The following XIAP variants were observed in gnomAD, a reference collection of about 807,000 sequenced individuals.
XIAP encodes E3 ubiquitin-protein ligase XIAP.
In XIAP, 3 loss-of-function variants were observed where a neutral mutation model predicts 33.1. That is an observed-to-expected ratio of 0.09 (90% CI 0.04 to 0.23). XIAP has a LOEUF of 0.23. XIAP is among the 10% of genes least tolerant of loss of function. The pLI, the probability that XIAP is intolerant of heterozygous loss-of-function variation, is 1.00. For missense variants in XIAP, 264 were observed against 363.0 expected (o/e 0.73, Z 2.22); for synonymous variants, 98 against 121.3 (o/e 0.81, Z 1.26).
At chrX:123,863,739 C>T (rs780170387) in intron 1 of XIAP, among the ~76,000 whole-genome samples, 1 of 111,222 alleles carries the variant, frequency 9.0e-6, no homozygotes, top group East Asian at 2.9e-4. Flanking sequence ...AACTCCCGAC[C>T]TCAGGTGAAA....
intron 1 of XIAP, among the ~76,000 whole-genome samples, chrX:123,884,361 G>A (rs1204848064): frequency 9.0e-6 from 1 of 110,520 alleles, no homozygotes. Flanking sequence ...GCGCATGCCT[G>A]TAATCCCAGC....
chrX:123,869,386 C>CAAAAAAAAAAAAAAAA (rs2053173664), intron 1 of XIAP, among the ~76,000 whole-genome samples: 1 of 52,024 alleles, frequency 1.9e-5, no homozygotes, highest in African/African-American at 8.4e-5. Context: ...AAAAAAAAAG[C>CAAAAAAAAAAAAAAAA]TGGGTCATGC....
At position 123,910,474 on chromosome X, in the gene XIAP, T is replaced by C. The variant is rs1025117786; in HGVS notation, c.*3293T>C. On this transcript the variant is annotated 3_prime_UTR_variant, in exon 7 of 7. Coordinates refer to ENST00000371199, the MANE Select transcript of XIAP (RefSeq NM_001167.4). ...TGATATACCCTTTAAACCCGAATCA[T>C]TGTTTTATTTCCTGATTACACAGGT... The C allele has an allele frequency of 4.9e-5, 16 of 327,731 alleles. No homozygotes were observed. Among genetic ancestry groups the C allele is most frequent in the Non-Finnish European group, 8.2e-5 (14 of 169,714 alleles). The allele number at this position is 327,731 out of a possible 1,213,427, so 27.0% of individuals were successfully genotyped here.
At chrX:123,877,133 T>C (rs1256133976) in intron 1 of XIAP, among the ~76,000 whole-genome samples, 1 of 109,087 alleles carries the variant, frequency 9.2e-6, no homozygotes, top group Non-Finnish European at 1.9e-5. Context: ...TGGCATGATC[T>C]GGGCTCACTG....
At chrX:123,879,772 A>C (rs768479698) in intron 1 of XIAP, among the ~76,000 whole-genome samples, 1 of 111,836 alleles carries the variant, frequency 8.9e-6, no homozygotes, top group South Asian at 3.7e-4. Context: ...TCTGGCGTGC[A>C]TTCTACCTTA....
intron 5 of XIAP, among the ~76,000 whole-genome samples, chrX:123,896,286 C>T (rs979122920): frequency 2.8e-5 from 3 of 106,834 alleles, no homozygotes; most frequent in African/African-American, 3.4e-5. Context: ...CTGGTGGTCT[C>T]GAACCCCTGG....
chrX:123,897,994 A>C (rs945909748), intron 5 of XIAP, among the ~76,000 whole-genome samples: 3 of 112,461 alleles, frequency 2.7e-5, no homozygotes, highest in Non-Finnish European at 1.9e-5. Flanking sequence ...AGCAGGAAAG[A>C]GCAATGTCTA....
chrX:123,891,727 G>A lies in XIAP; in HGVS notation c.1056+411G>A, dbSNP rs191855452. Among the ~76,000 whole-genome samples the A allele has an allele frequency of 3.7e-3, 403 of 108,180 alleles. 3 individuals are homozygous for A. The highest frequency in any genetic ancestry group is 0.013 in the African/African-American group (383 of 29,668). The allele number at this position is 108,180 out of a possible 115,157, so 93.9% of individuals were successfully genotyped here. A position where few individuals can be genotyped will look rare whatever the true frequency, so the allele number is the denominator to read the frequency against. ...TCCCAGCTACTTGGGCGGCTGAGGC[G>A]GGAGGATCGCTTGAGCCCAGAAGGT... On this transcript the variant is annotated intron_variant, in intron 4 of 6. Transcript: ENST00000371199.
intron 5 of XIAP, 40 bp downstream of exon 5, chrX:123,892,813 A>C (rs1438733194): frequency 9.2e-7 from 1 of 1,087,627 alleles, no homozygotes; most frequent in Non-Finnish European, 1.3e-6. Context: ...TTTAACTGCC[A>C]ATTTATTTAT....
rs113036397 is a variant in XIAP at position 123,894,956 on chromosome X, G to GTAAA, written c.1099+2220_1099+2223dup. ...GAGATTCTATCTCAAACATAAATAAGTAAATAAATAAATAAATAAATAAAT... is the reference window on the plus strand; with the variant it reads ...GAGATTCTATCTCAAACATAAATAAGTAAATAAATAAATAAATAAATAAATAAAT... On this transcript the variant is annotated intron_variant, in intron 5 of 6. Transcript: ENST00000371199. Among the ~76,000 whole-genome samples, 551 of 105,726 alleles carry GTAAA rather than the reference G, an allele frequency of 5.2e-3. 1 individual carries two copies. The highest frequency in any genetic ancestry group is 0.014 in the Middle Eastern group (3 of 210). 91.8% of individuals were successfully genotyped at this position (105,726 alleles called of 115,157 possible). A position where few individuals can be genotyped will look rare whatever the true frequency, so the allele number is the denominator to read the frequency against.
intron 1 of XIAP, among the ~76,000 whole-genome samples, chrX:123,880,109 G>A (rs751059897): frequency 3.1e-5 from 3 of 97,662 alleles, no homozygotes; most frequent in East Asian, 3.5e-4. Flanking sequence ...GCAAGACTCC[G>A]TCTCAAAAAA....
intron 1 of XIAP, among the ~76,000 whole-genome samples, chrX:123,866,508 G>T (rs369122016): frequency 4.2e-5 from 2 of 47,928 alleles, no homozygotes; most frequent in Non-Finnish European, 8.4e-5. Flanking sequence ...TATAATATAT[G>T]ATATATCATA....
intron 1 of XIAP, among the ~76,000 whole-genome samples, chrX:123,862,100 C>T (rs747913095): frequency 1.2e-4 from 13 of 108,835 alleles, no homozygotes; most frequent in South Asian, 4.0e-4. Flanking sequence ...TTTTTTGAGA[C>T]GGAGTCTTAC....
chrX:123,881,472 G>A (rs2053303488), intron 1 of XIAP, among the ~76,000 whole-genome samples: 1 of 110,801 alleles, frequency 9.0e-6, no homozygotes, highest in African/African-American at 3.3e-5. Flanking sequence ...CTTAAACTCT[G>A]GTAATTCTGG....
Position 123,911,995 on chromosome X carries a change from A to G in XIAP, c.*4814A>G, listed in dbSNP as rs1305643597. The G allele has an allele frequency of 6.1e-6, 2 of 327,125 alleles. No homozygotes were observed. Among genetic ancestry groups the G allele is most frequent in the Admixed American group, 6.3e-5 (2 of 31,789 alleles). 27.0% of individuals were successfully genotyped at this position (327,125 alleles called of 1,213,427 possible). ...TTAGTAGCAGAGCCCTGACTGGGAC[A>G]TAGTTTGAAGGTGAAAAACTTCACC... On this transcript the variant is annotated 3_prime_UTR_variant, in exon 7 of 7. Transcript: ENST00000371199.
chrX:123,893,286 G>A (rs1425991832), intron 5 of XIAP, among the ~76,000 whole-genome samples: 1 of 108,454 alleles, frequency 9.2e-6, no homozygotes, highest in Non-Finnish European at 1.9e-5. Context: ...TTGGGAGACC[G>A]AGGCAGGCCA....
In XIAP at chrX:123,908,168, G is replaced by C. The variant is rs1464245450; in HGVS notation, c.*987G>C. 8.3e-6 allele frequency: 3 copies of C among 363,053 alleles called. No individual in the cohort carries two copies. Among genetic ancestry groups the C allele is most frequent in the African/African-American group, 7.6e-5 (3 of 39,314 alleles). The allele number at this position is 363,053 out of a possible 1,213,427, so 29.9% of individuals were successfully genotyped here. A position where few individuals can be genotyped will look rare whatever the true frequency, so the allele number is the denominator to read the frequency against. On this transcript the variant is annotated 3_prime_UTR_variant, in exon 7 of 7. Coordinates refer to ENST00000371199, the MANE Select transcript of XIAP (RefSeq NM_001167.4). ...CTCAGCTTTAGTTTTTCTAATCCAA[G>C]AAGGCAGGGCAGTTAACCTTTTTGG...
Position 123,909,540 on chromosome X carries a change from A to T in XIAP, c.*2359A>T. On this transcript the variant is annotated 3_prime_UTR_variant, in exon 7 of 7. Transcript: ENST00000371199. ...AGAAAAGTGTTAAAATTTTTAAAATATGTTTTCCAGGACACTTCACTTCCA... is the reference window on the plus strand; with the variant it reads ...AGAAAAGTGTTAAAATTTTTAAAATTTGTTTTCCAGGACACTTCACTTCCA... The T allele has an allele frequency of 3.1e-6, 1 of 327,525 alleles. No individual in the cohort carries two copies. Among genetic ancestry groups the T allele is most frequent in the Admixed American group, 3.1e-5 (1 of 31,797 alleles). 27.0% of individuals were successfully genotyped at this position (327,525 alleles called of 1,213,427 possible). A position where few individuals can be genotyped will look rare whatever the true frequency, so the allele number is the denominator to read the frequency against.
At chrX:123,904,572 CCTT>C (rs2053543451) in intron 6 of XIAP, among the ~76,000 whole-genome samples, 1 of 110,868 alleles carries the variant, frequency 9.0e-6, no homozygotes, top group African/African-American at 3.3e-5. Flanking sequence ...GTTAGGAGCT[CCTT>C]CTTATCTACT....
Sources: gnomAD v4.1 joint callset for allele counts (sites outside exome capture counted in the v4.1 genomes callset) on GRCh38, gnomAD v4.1.1 for gene constraint, MANE v1.5 for transcripts, NCBI Gene and HGNC (gene_info 2026-07-23, HGNC 2026-07-21) for gene names.